The following PIBF1 variants were observed in gnomAD, a reference collection of about 807,000 sequenced individuals.
The protein encoded by PIBF1 is progesterone immunomodulatory binding factor 1.
In PIBF1, 90 loss-of-function variants were observed where a neutral mutation model predicts 112.5. The ratio of observed to expected loss-of-function variants is 0.80; its 90% CI spans 0.67 to 0.95. The LOEUF (loss-of-function observed/expected upper bound fraction) is 0.95. Among genes scored for constraint, PIBF1 ranks in the 40% least tolerant of loss-of-function variants. The pLI is 0.00. For synonymous variants in PIBF1, 301 were observed against 288.6 expected, an observed-to-expected ratio of 1.04 and a Z score of -0.44; for missense variants, 915 against 852.3, an observed-to-expected ratio of 1.07 and a Z score of -0.92.
At chr13:72,890,650 G>A (rs756285541) in intron 10 of PIBF1, among the ~76,000 whole-genome samples, 5 of 152,190 alleles carry the variant, frequency 3.3e-5, no homozygotes, top group African/African-American at 4.8e-5. Context: ...AATATCAAAC[G>A]TGAAGTTGTT....
chr13:72,814,123 T>C (rs1286878710), intron 5 of PIBF1, among the ~76,000 whole-genome samples: 2 of 152,176 alleles, frequency 1.3e-5, no homozygotes, highest in Non-Finnish European at 2.9e-5. Context: ...ATAGGAAATA[T>C]GCTTAATGAA....
At chr13:72,909,091 T>C (rs896721975) in intron 12 of PIBF1, among the ~76,000 whole-genome samples, 2 of 151,946 alleles carry the variant, frequency 1.3e-5, no homozygotes, top group East Asian at 3.8e-4. Flanking sequence ...GTATATTTTC[T>C]TAAAATATAA....
intron 2 of PIBF1, among the ~76,000 whole-genome samples, chr13:72,792,173 G>A (rs1212970235): frequency 6.6e-6 from 1 of 151,982 alleles, no homozygotes; most frequent in Non-Finnish European, 1.5e-5. Context: ...GCACTTGGCT[G>A]TAATCCCAGC....
intron 9 of PIBF1, among the ~76,000 whole-genome samples, chr13:72,837,262 C>T (rs886621189): frequency 3.3e-5 from 5 of 151,866 alleles, no homozygotes; most frequent in Non-Finnish European, 7.4e-5. Flanking sequence ...AATAAAAACA[C>T]CTCTGCATTT....
At chr13:72,942,130 C>G (rs1382561058) in intron 14 of PIBF1, among the ~76,000 whole-genome samples, 1 of 152,066 alleles carries the variant, frequency 6.6e-6, no homozygotes, top group African/African-American at 2.4e-5. Context: ...TGGAAAGAGT[C>G]TGTGGCACAT....
intron 13 of PIBF1, among the ~76,000 whole-genome samples, chr13:72,921,073 T>C (rs1189775178): frequency 6.6e-6 from 1 of 152,168 alleles, no homozygotes. Context: ...TGATTTGTTA[T>C]AACAGTAATG....
At chr13:72,842,526 T>C (rs144801641) in intron 9 of PIBF1, among the ~76,000 whole-genome samples, 64 of 152,336 alleles carry the variant, frequency 4.2e-4, no homozygotes, top group African/African-American at 1.4e-3. Flanking sequence ...TGATATAAAC[T>C]TGAAATTTAT....
chr13:72,969,541 C>T (rs1002547269), intron 15 of PIBF1: 5 of 152,252 alleles, frequency 3.3e-5, no homozygotes, highest in African/African-American at 1.2e-4. Flanking sequence ...TGAGATGTTG[C>T]TATAGGTGTA....
At chr13:72,944,511 G>A (rs2042096756) in intron 14 of PIBF1, among the ~76,000 whole-genome samples, 1 of 151,040 alleles carries the variant, frequency 6.6e-6, no homozygotes, top group East Asian at 1.9e-4. Context: ...TAACACAATA[G>A]CAAAATGTTT....
intron 5 of PIBF1, among the ~76,000 whole-genome samples, chr13:72,819,353 G>A (rs535841629): frequency 3.6e-5 from 5 of 137,606 alleles, no homozygotes; most frequent in Admixed American, 8.3e-5. Context: ...CCCTTTTCAG[G>A]AGTATGCTTC....
At chr13:72,999,989 C>T (rs553354255) in intron 17 of PIBF1, among the ~76,000 whole-genome samples, 5 of 152,276 alleles carry the variant, frequency 3.3e-5, no homozygotes, top group East Asian at 1.9e-4. Flanking sequence ...ATTGTCGGTG[C>T]GATGGCACCA....
chr13:72,819,681 T>C (rs2036452868), intron 5 of PIBF1, among the ~76,000 whole-genome samples: 1 of 152,092 alleles, frequency 6.6e-6, no homozygotes, highest in African/African-American at 2.4e-5. Flanking sequence ...AAGTCGACAA[T>C]GTATATAAAA....
At position 73,015,930 on chromosome 13, in the gene PIBF1, G is replaced by T; in HGVS notation, c.*11G>T. ...AAGATGAAGACCTAGTGTTTTGGAT[G>T]GGAAGCACCTGTAGACCATTATATA... is the stretch of plus-strand genomic sequence containing the variant. On this transcript the variant is annotated 3_prime_UTR_variant, in exon 18 of 18. Transcript: ENST00000326291. The T allele has an allele frequency of 6.4e-7, 1 of 1,571,186 alleles. No homozygotes were observed. Among genetic ancestry groups the T allele is most frequent in the South Asian group, 1.2e-5 (1 of 86,088 alleles).
At chr13:72,891,713 AC>A (rs2040064456) in intron 10 of PIBF1, among the ~76,000 whole-genome samples, 2 of 152,102 alleles carry the variant, frequency 1.3e-5, no homozygotes, top group South Asian at 2.1e-4. Flanking sequence ...TAGGTATATA[AC>A]CAAGAGAAAT....
At chr13:72,869,077 A>T (rs941667845) in intron 10 of PIBF1, among the ~76,000 whole-genome samples, 1 of 152,108 alleles carries the variant, frequency 6.6e-6, no homozygotes, top group Non-Finnish European at 1.5e-5. Context: ...AGGGATCTAG[A>T]AGTAGAAATA....
intron 10 of PIBF1, among the ~76,000 whole-genome samples, chr13:72,859,813 G>A (rs2038611495): frequency 6.6e-6 from 1 of 152,124 alleles, no homozygotes. Flanking sequence ...ATAGAATTAT[G>A]CTGATAACTG....
At chr13:72,924,847 A>G (rs1488755388) in intron 13 of PIBF1, among the ~76,000 whole-genome samples, 1 of 152,258 alleles carries the variant, frequency 6.6e-6, no homozygotes, top group Non-Finnish European at 1.5e-5. Context: ...TACATGAAAG[A>G]ATATATAAAC....
At chr13:72,977,223 G>A (rs937364274) in intron 16 of PIBF1, among the ~76,000 whole-genome samples, 35 of 151,922 alleles carry the variant, frequency 2.3e-4, no homozygotes, top group African/African-American at 8.0e-4. Flanking sequence ...GTTTTGTTTT[G>A]AGATGGAGTC....
intron 15 of PIBF1, among the ~76,000 whole-genome samples, chr13:72,973,098 T>A (rs923739409): frequency 6.6e-6 from 1 of 152,152 alleles, no homozygotes; most frequent in African/African-American, 2.4e-5. Context: ...TCAGTTACGT[T>A]GTCAAATGGA....
Sources: allele counts gnomAD v4.1 joint callset (sites outside exome capture counted in the v4.1 genomes callset), GRCh38; gene constraint gnomAD v4.1.1; transcripts MANE v1.5; gene names NCBI Gene and HGNC (gene_info 2026-07-23, HGNC 2026-07-21).